The following EGFR variants were observed in gnomAD, a reference collection of about 807,000 sequenced individuals.
The protein encoded by EGFR is epidermal growth factor receptor.
EGFR carries 58 observed loss-of-function variants against 143.0 expected under a neutral mutation model. The observed-to-expected ratio is 0.41, with a 90% CI of 0.33 to 0.50. The LOEUF (loss-of-function observed/expected upper bound fraction) is 0.50, where lower values mean the gene tolerates loss of function less well. Ranked by LOEUF, EGFR falls within the 20% of genes least tolerant of loss-of-function variation. EGFR has a pLI of 0.39. For missense variants in EGFR, 1,307 were observed against 1,579.0 expected (o/e 0.83, Z 2.92); for synonymous variants, 613 against 594.4 (o/e 1.03, Z -0.45).
At chr7:55,064,229 T>C (rs1342739516) in intron 1 of EGFR, among the ~76,000 whole-genome samples, 3 of 152,252 alleles carry the variant, frequency 2.0e-5, no homozygotes, top group Non-Finnish European at 2.9e-5. Flanking sequence ...CCACAGGTCA[T>C]GTTTGACTGT....
intron 1 of EGFR, among the ~76,000 whole-genome samples, chr7:55,042,739 G>A (rs1787968536): frequency 6.6e-6 from 1 of 152,084 alleles, no homozygotes; most frequent in Non-Finnish European, 1.5e-5. Context: ...GTAAAATAAT[G>A]ATAACAGGTC....
chr7:55,019,298 CG>C lies in EGFR; in HGVS notation c.25del (p.Ala9GlnfsTer71). Reference protein sequence around the residue: MRPSGTAGAALLALLAAL... With the variant: MRPSGTAXAALLALLAAL... ...CAGCGATGCGACCCTCCGGGACGGC[CG>C]GGGCAGCGCTCCTGGCGCTGCTGGC... On this transcript the variant is annotated frameshift_variant, in exon 1 of 28. Transcript: ENST00000275493. LOFTEE classifies it high-confidence loss of function. The C allele has an allele frequency of 2.0e-6, 3 of 1,511,672 alleles. No homozygotes were observed. The highest frequency in any genetic ancestry group is 2.8e-5 in the East Asian group (1 of 35,826). The allele number at this position is 1,511,672 out of a possible 1,614,324, so 93.6% of individuals were successfully genotyped here.
In EGFR at chr7:55,154,159, C is replaced by A. The variant is rs767656505; in HGVS notation, c.889+7C>A. The A allele has an allele frequency of 3.7e-6, 6 of 1,614,218 alleles. No individual in the cohort carries two copies. Among genetic ancestry groups the A allele is most frequent in the Non-Finnish European group, 5.1e-6 (6 of 1,180,034 alleles). On this transcript the variant is annotated splice_region_variant and intron_variant, in intron 7 of 27. Transcript: ENST00000275493. ...TGCGTGAAGAAGTGTCCCCGTGAGT[C>A]CTCCTCTGTGGGCCCTCTAACTGGT...
At chr7:55,179,065 G>A (rs753778501) in intron 19 of EGFR, among the ~76,000 whole-genome samples, 8 of 152,372 alleles carry the variant, frequency 5.3e-5, no homozygotes, top group East Asian at 1.9e-4. Context: ...TTGAGTCAAC[G>A]TAAGAGCAAG....
intron 20 of EGFR, among the ~76,000 whole-genome samples, chr7:55,190,913 G>A (rs887849001): frequency 9.2e-5 from 14 of 152,192 alleles, no homozygotes; most frequent in East Asian, 1.9e-4. Flanking sequence ...GTAGGCATCC[G>A]TCAAGCAAGG....
At chr7:55,142,458 T>C (rs1257627189) in intron 2 of EGFR, 21 bp downstream of exon 2, 4 of 1,613,152 alleles carry the variant, frequency 2.5e-6, no homozygotes, top group Non-Finnish European at 3.4e-6. Flanking sequence ...TTGATTTTCC[T>C]ACACAAATAA....
chr7:55,174,993 A>C (rs1584227043), intron 19 of EGFR, among the ~76,000 whole-genome samples, 173 bp downstream of exon 19: 1 of 152,108 alleles, frequency 6.6e-6, no homozygotes, highest in Admixed American at 6.5e-5. Flanking sequence ...CCCCTTAGAG[A>C]CAGCACTGGC....
In EGFR at chr7:55,208,682, A is replaced by T. The variant is rs1388281444; in HGVS notation, c.*3065A>T. 6.6e-6 allele frequency: 1 copy of T among 152,038 alleles called. No homozygotes were observed. The highest frequency in any genetic ancestry group is 1.9e-4 in the East Asian group (1 of 5,170). The allele number at this position is 152,038 out of a possible 1,614,324, so 9.4% of individuals were successfully genotyped here. A position where few individuals can be genotyped will look rare whatever the true frequency, so the allele number is the denominator to read the frequency against. ...AGGGGGAGCACTGTGGATGCATCCTATTGCACTCCAGCTGATGACACCAAA... is the reference window on the plus strand; with the variant it reads ...AGGGGGAGCACTGTGGATGCATCCTTTTGCACTCCAGCTGATGACACCAAA... On this transcript the variant is annotated 3_prime_UTR_variant, in exon 28 of 28. Transcript: ENST00000275493.
intron 1 of EGFR, among the ~76,000 whole-genome samples, chr7:55,132,615 G>C (rs1045414871): frequency 6.6e-6 from 1 of 152,168 alleles, no homozygotes; most frequent in African/African-American, 2.4e-5. Flanking sequence ...TCATTTGCTT[G>C]GTAATGAGGA....
chr7:55,049,840 T>C (rs1280863002), intron 1 of EGFR, among the ~76,000 whole-genome samples: 1 of 152,228 alleles, frequency 6.6e-6, no homozygotes, highest in Non-Finnish European at 1.5e-5. Context: ...TGGTCCCTGA[T>C]CTAGACTCTA....
In EGFR at chr7:55,019,217, G is replaced by GC; in HGVS notation, c.-56dup. ...GCCAACGCCACAACCACCGCGCACG[G>GC]CCCCCTGACTCCGTCCAGTATTGAT... On this transcript the variant is annotated 5_prime_UTR_variant, in exon 1 of 28. Transcript: ENST00000275493. The GC allele has an allele frequency of 2.3e-6, 3 of 1,319,204 alleles. No individual in the cohort carries two copies. Among genetic ancestry groups the GC allele is most frequent in the East Asian group, 3.3e-5 (1 of 29,860 alleles). The allele number at this position is 1,319,204 out of a possible 1,614,324, so 81.7% of individuals were successfully genotyped here. A position where few individuals can be genotyped will look rare whatever the true frequency, so the allele number is the denominator to read the frequency against.
intron 1 of EGFR, among the ~76,000 whole-genome samples, chr7:55,046,773 A>G (rs1239982888): frequency 6.6e-6 from 1 of 152,124 alleles, no homozygotes; most frequent in South Asian, 2.1e-4. Context: ...TCACATTCAG[A>G]TCACCTCTTA....
At chr7:55,109,124 C>T (rs1214843831) in intron 1 of EGFR, among the ~76,000 whole-genome samples, 2 of 152,118 alleles carry the variant, frequency 1.3e-5, no homozygotes, top group Non-Finnish European at 2.9e-5. Flanking sequence ...GAATTTATTG[C>T]CTCCTTAGGC....
chr7:55,113,969 G>T lies in EGFR; in HGVS notation c.89-28317G>T, dbSNP rs139145700. Among the ~76,000 whole-genome samples, 650 of 152,334 alleles carry T rather than the reference G, an allele frequency of 4.3e-3. 4 individuals are homozygous for T. The highest frequency in any genetic ancestry group is 0.014 in the African/African-American group (580 of 41,580). On this transcript the variant is annotated intron_variant, in intron 1 of 27. Coordinates refer to ENST00000275493, the MANE Select transcript of EGFR (RefSeq NM_005228.5). The stretch of plus-strand genomic sequence containing the variant: ...CGGCCATGGTGGCAGGGGCTTGGAC[G>T]CTGCCAGGTGACTCTAACTTGTGGC...
chr7:55,115,468 C>T (rs1171336801), intron 1 of EGFR, among the ~76,000 whole-genome samples: 1 of 152,200 alleles, frequency 6.6e-6, no homozygotes, highest in Non-Finnish European at 1.5e-5. Context: ...TTGTCCTCTA[C>T]TGGATTTAAG....
At chr7:55,137,071 G>A (rs1032811148) in intron 1 of EGFR, among the ~76,000 whole-genome samples, 2 of 152,310 alleles carry the variant, frequency 1.3e-5, no homozygotes, top group African/African-American at 4.8e-5. Flanking sequence ...ATCACTGCCA[G>A]GGAGCAGAGA....
chr7:55,076,463 T>C (rs984654), intron 1 of EGFR, among the ~76,000 whole-genome samples: 38,427 of 152,176 alleles, frequency 0.25, 6,681 homozygotes, highest in East Asian at 0.88. Context: ...ATGATTACAA[T>C]TTTTAGGACA....
At chr7:55,036,117 T>A (rs1209297203) in intron 1 of EGFR, among the ~76,000 whole-genome samples, 4 of 151,838 alleles carry the variant, frequency 2.6e-5, no homozygotes, top group Non-Finnish European at 4.4e-5. Flanking sequence ...AGAAATGGGA[T>A]GAGGGAGAGA....
At chr7:55,183,030 C>G (rs1786964158) in intron 20 of EGFR, among the ~76,000 whole-genome samples, 1 of 152,174 alleles carries the variant, frequency 6.6e-6, no homozygotes, top group Non-Finnish European at 1.5e-5. Context: ...GGCCAGGTGT[C>G]TAAAAGGCCA....
Sources: allele counts gnomAD v4.1 joint callset (sites outside exome capture counted in the v4.1 genomes callset), GRCh38; gene constraint gnomAD v4.1.1; transcripts MANE v1.5; gene names NCBI Gene and HGNC (gene_info 2026-07-23, HGNC 2026-07-21).